TGFB1: variants seen among roughly 807,000 people sequenced by gnomAD.
TGFB1 encodes the protein transforming growth factor beta 1.
A neutral mutation model predicts 43.8 loss-of-function variants in TGFB1; 19 were observed. The ratio of observed to expected loss-of-function variants is 0.43; its 90% confidence interval spans 0.30 to 0.64. The LOEUF (loss-of-function observed/expected upper bound fraction) is 0.64, where lower values mean the gene tolerates loss of function less well. TGFB1 is among the 30% of genes least tolerant of loss of function. TGFB1 has a pLI of 0.11. For synonymous variants in TGFB1, 221 were observed against 236.3 expected, an observed-to-expected ratio of 0.94 and a Z score of 0.60; for missense variants, 445 against 529.8, an observed-to-expected ratio of 0.84 and a Z score of 1.57.
chr19:41,347,156 G>C (rs2038125360), intron 2 of TGFB1, among the ~76,000 whole-genome samples: 1 of 152,056 alleles, frequency 6.6e-6, no homozygotes, highest in Non-Finnish European at 1.5e-5. Context: ...CTGAGTAGCT[G>C]GGACTAGAGG....
At chr19:41,331,344 C>G in intron 6 of TGFB1, 134 bp from the exon 7 acceptor site, 1 of 1,061,984 alleles carries the variant, frequency 9.4e-7, no homozygotes, top group Non-Finnish European at 1.3e-6. Context: ...CTTCCCATCT[C>G]CAATTCGGTC....
At chr19:41,342,975 A>G (rs2038075553) in intron 3 of TGFB1, among the ~76,000 whole-genome samples, 1 of 151,568 alleles carries the variant, frequency 6.6e-6, no homozygotes. Context: ...GAATGAGTGA[A>G]TGATGTTTTC....
Position 41,331,118 on chromosome 19 carries a change from G to A in TGFB1, c.1107C>T (p.Tyr369=), listed in dbSNP as rs2037924853. 3 of 1,585,330 alleles carry A rather than the reference G, an allele frequency of 1.9e-6. No homozygotes were observed. Among genetic ancestry groups the A allele is most frequent in the South Asian group, 1.1e-5 (1 of 87,260 alleles). Residue 369 remains tyrosine, a synonymous_variant, in exon 7 of 7, where the codon TAC becomes TAT. Transcript: ENST00000221930. ...GCTCCACCTTGGGCTTGCGGCCCAC[G>A]TAGTACACGATGGGCAGCGGCTCCA... ...QALEPLPIVY[Y]VGRKPKVEQL...
chr19:41,331,990 A>T lies in TGFB1; in HGVS notation c.1014+138T>A, dbSNP rs1399282993. The T allele has an allele frequency of 1.2e-5, 14 of 1,190,118 alleles. No homozygotes were observed. In the South Asian group the frequency reaches 2.0e-4, roughly 17 times the overall value. The allele number at this position is 1,190,118 out of a possible 1,614,324, so 73.7% of individuals were successfully genotyped here. A position where few individuals can be genotyped will look rare whatever the true frequency, so the allele number is the denominator to read the frequency against. On this transcript the variant is annotated intron_variant, in intron 6 of 6. Coordinates refer to ENST00000221930, the MANE Select transcript of TGFB1 (RefSeq NM_000660.7). ...TGCCTCTCTCCCCATCTCTTTATTCATTCCCCTCCCCACCCCATCCCTCTC... is the reference window on the plus strand; with the variant it reads ...TGCCTCTCTCCCCATCTCTTTATTCTTTCCCCTCCCCACCCCATCCCTCTC...
chr19:41,345,314 T>C (rs555360785), intron 2 of TGFB1, among the ~76,000 whole-genome samples: 33 of 142,776 alleles, frequency 2.3e-4, no homozygotes, highest in African/African-American at 8.5e-4. Context: ...CTGGCCAACA[T>C]AGTGAAACCC....
At chr19:41,344,899 G>A (rs201036538) in intron 2 of TGFB1, 35 bp from the exon 3 acceptor site, 17 of 1,533,458 alleles carry the variant, frequency 1.1e-5, no homozygotes, top group Non-Finnish European at 1.4e-5. Context: ...GAGACAGTGG[G>A]TAGATGGTGT....
Position 41,342,020 on chromosome 19 carries a change from G to A in TGFB1, c.723C>T (p.Thr241=), listed in dbSNP as rs35383147. Residue 241 remains threonine (T), a synonymous_variant, in exon 5 of 7, where the codon ACC becomes ACT. Transcript: ENST00000221930. ...TLQVDINGFT[T]GRRGDLATIH... ...TGGTGGCCAGGTCACCTCGGCGGCC[G>A]GTAGTGAACCCTGCTTTGGTGTGGG... The A allele has an allele frequency of 3.5e-5, 56 of 1,614,056 alleles. No individual in the cohort carries two copies. Among genetic ancestry groups the A allele is most frequent in the Non-Finnish European group, 4.6e-5 (54 of 1,180,028 alleles).
At chr19:41,344,252 T>C (rs908249747) in intron 3 of TGFB1, among the ~76,000 whole-genome samples, 1 of 152,064 alleles carries the variant, frequency 6.6e-6, no homozygotes. Context: ...TCAAAAGTGC[T>C]GGGATTATAG....
chr19:41,331,025 C>A lies in TGFB1; in HGVS notation c.*27G>T. The A allele has an allele frequency of 1.3e-6, 1 of 781,396 alleles. No individual in the cohort carries two copies. Among genetic ancestry groups the A allele is most frequent in the Non-Finnish European group, 1.5e-6 (1 of 668,574 alleles). 48.4% of individuals were successfully genotyped at this position (781,396 alleles called of 1,614,324 possible). On this transcript the variant is annotated 3_prime_UTR_variant, in exon 7 of 7. Coordinates refer to ENST00000221930, the MANE Select transcript of TGFB1 (RefSeq NM_000660.7). ...CGGGGCGGGGTGGGGCCGGGCCTGC[C>A]GGGGCGGGGCGGGGCGGGGCGGGAC...
At position 41,331,266 on chromosome 19, in the gene TGFB1, C is replaced by T. The variant is rs1210221592; in HGVS notation, c.1015-56G>A. On this transcript the variant is annotated intron_variant, in intron 6 of 6. Transcript: ENST00000221930. The stretch of plus-strand genomic sequence containing the variant: ...GGCTCGTGGAGGGAGGAAAACGGCC[C>T]TCCACTGCCCCATCCCCCACCCGCT... 2.8e-6 allele frequency: 4 copies of T among 1,444,874 alleles called. No individual in the cohort carries two copies. The East Asian group carries it at 7.8e-5, about 28-fold the overall frequency. 89.5% of individuals were successfully genotyped at this position (1,444,874 alleles called of 1,614,324 possible).
At chr19:41,342,509 A>G (rs906529591) in intron 3 of TGFB1, among the ~76,000 whole-genome samples, 1 of 124,190 alleles carries the variant, frequency 8.1e-6, no homozygotes, top group African/African-American at 3.3e-5. Flanking sequence ...GCTACCACGC[A>G]TGGCTAATTT....
Position 41,344,829 on chromosome 19 carries a change from G to C in TGFB1, c.552C>G (p.Asn184Lys). 1 of 1,606,948 alleles carries C rather than the reference G, an allele frequency of 6.2e-7. No individual in the cohort carries two copies. ...GCGAGTCGCTGGGTGCCAGCAGCCG[G>C]TTGCTGAGGTATCGCCAGGAATTGT... Reference protein sequence around the residue: ...YSNNSWRYLSNRLLAPSDSPE... With the variant: ...YSNNSWRYLSKRLLAPSDSPE... Residue 184 changes from asparagine (N) to lysine (K), a missense_variant, in exon 3 of 7, where the codon AAC (asparagine) becomes AAG (lysine). This residue lies in a region of TGFB1 where 366 missense variants were observed against 428.8 expected (regional missense o/e 0.85). Transcript: ENST00000221930.
chr19:41,332,059 T>C (rs2037937890), intron 6 of TGFB1, 69 bp downstream of exon 6: 2 of 1,566,144 alleles, frequency 1.3e-6, no homozygotes, highest in Non-Finnish European at 1.7e-6. Context: ...TTTACTTCTC[T>C]TTCTCTCTCC....
rs72480429 is a variant in TGFB1 at position 41,332,224 on chromosome 19, G to A, written c.918C>T (p.Leu306=). ...TGGGCTCGTGGATCCACTTCCAGCC[G>A]AGGTCCTTGCGGAAGTCAATGTACA... The part of the protein sequence containing the change: ...RQLYIDFRKD[L]GWKWIHEPKG... Residue 306 remains leucine, a synonymous_variant, in exon 6 of 7, where the codon CTC becomes CTT. Coordinates refer to ENST00000221930, the MANE Select transcript of TGFB1 (RefSeq NM_000660.7). 9.9e-4 allele frequency: 1,591 copies of A among 1,614,040 alleles called. 1 individual carries two copies. Among genetic ancestry groups the A allele is most frequent in the Non-Finnish European group, 1.3e-3 (1,528 of 1,180,032 alleles).
At chr19:41,332,950 A>G (rs1307218012) in intron 5 of TGFB1, among the ~76,000 whole-genome samples, 1 of 151,778 alleles carries the variant, frequency 6.6e-6, no homozygotes, top group Admixed American at 6.6e-5. Context: ...TTGTCTTGTC[A>G]CTCCTCTGCT....
chr19:41,333,858 C>T (rs1265979339), intron 5 of TGFB1, among the ~76,000 whole-genome samples: 2 of 152,180 alleles, frequency 1.3e-5, no homozygotes, highest in African/African-American at 4.8e-5. Flanking sequence ...TACGGTATTG[C>T]AGTTATGCAA....
intron 5 of TGFB1, among the ~76,000 whole-genome samples, chr19:41,338,556 C>T (rs907337766): frequency 6.7e-5 from 10 of 149,718 alleles, no homozygotes; most frequent in East Asian, 4.0e-4. Context: ...ATGTATTATT[C>T]GGCCGGGAGC....
chr19:41,349,295 T>C (rs1231196587), intron 1 of TGFB1, among the ~76,000 whole-genome samples: 2 of 152,186 alleles, frequency 1.3e-5, no homozygotes, highest in Non-Finnish European at 2.9e-5. Flanking sequence ...TCTCCTAATT[T>C]AAGCGCTGTG....
intron 5 of TGFB1, among the ~76,000 whole-genome samples, chr19:41,336,941 A>G (rs1275390255): frequency 6.6e-6 from 1 of 150,562 alleles, no homozygotes; most frequent in Non-Finnish European, 1.5e-5. Context: ...ATTGGTTGAT[A>G]TGTCTCTTAG....
Sources: gnomAD v4.1 joint callset for allele counts (sites outside exome capture counted in the v4.1 genomes callset) on GRCh38, gnomAD v4.1.1 for gene constraint, gnomAD v4.1.1 regional missense constraint, MANE v1.5 for transcripts, NCBI Gene and HGNC (gene_info 2026-07-23, HGNC 2026-07-21) for gene names.